SAMD3: variants seen among roughly 807,000 people sequenced by gnomAD.
The protein encoded by SAMD3 is sterile alpha motif domain containing 3, also known as sterile alpha motif domain-containing protein 3.
A neutral mutation model predicts 58.5 loss-of-function variants in SAMD3; 63 were observed. The observed-to-expected ratio is 1.08, with a 90% CI of 0.88 to 1.33. The LOEUF (loss-of-function observed/expected upper bound fraction) is 1.33. Ranked by LOEUF, SAMD3 falls within the 40% of genes most tolerant of loss-of-function variation. The probability of loss-of-function intolerance (pLI) is 0.00; values close to 1 mark genes in which losing one functional copy is unlikely to be tolerated. For synonymous variants in SAMD3, 220 were observed against 210.3 expected (o/e 1.05, Z -0.40); for missense variants, 604 against 608.4 (o/e 0.99, Z 0.08).
intron 5 of SAMD3, among the ~76,000 whole-genome samples, chr6:130,200,099 A>G (rs773370965): frequency 6.6e-6 from 1 of 152,098 alleles, no homozygotes; most frequent in Non-Finnish European, 1.5e-5. Flanking sequence ...ATCAAAAACA[A>G]AGCAGAAAAA....
upstream of SAMD3, chr6:130,365,476 G>A (rs1433824356): frequency 1.2e-5 from 12 of 985,546 alleles, no homozygotes; most frequent in Non-Finnish European, 1.4e-5. Flanking sequence ...CCGCCAGGGG[G>A]ACCCCGGCCC....
chr6:130,183,351 G>GAAAA, intron 7 of SAMD3: 2 of 370,812 alleles, frequency 5.4e-6, no homozygotes, highest in Admixed American at 3.2e-5. Flanking sequence ...AAAAAAAAAG[G>GAAAA]AAAAAAAAAA....
chr6:130,249,312 G>T (rs1241417602), intron 2 of SAMD3, among the ~76,000 whole-genome samples: 1 of 152,046 alleles, frequency 6.6e-6, no homozygotes, highest in African/African-American at 2.4e-5. Context: ...AGTAAAAATG[G>T]CTTTCTGTTA....
chr6:130,346,459 G>A (rs1777455985), intron 1 of SAMD3, among the ~76,000 whole-genome samples: 1 of 152,230 alleles, frequency 6.6e-6, no homozygotes, highest in South Asian at 2.1e-4. Context: ...TATGCCCACG[G>A]AGCCTCGCTC....
At chr6:130,268,789 T>A (rs1322172234) in intron 2 of SAMD3, among the ~76,000 whole-genome samples, 1 of 152,168 alleles carries the variant, frequency 6.6e-6, no homozygotes, top group Non-Finnish European at 1.5e-5. Flanking sequence ...GTTCACACAA[T>A]GACAAAACCA....
chr6:130,208,156 G>A (rs983429909), intron 5 of SAMD3, among the ~76,000 whole-genome samples: 4 of 152,256 alleles, frequency 2.6e-5, no homozygotes, highest in Non-Finnish European at 5.9e-5. Flanking sequence ...GGCAAAATGA[G>A]CTGATAGTGT....
At chr6:130,158,545 T>G in intron 8 of SAMD3, among the ~76,000 whole-genome samples, 1 of 152,232 alleles carries the variant, frequency 6.6e-6, no homozygotes, top group East Asian at 1.9e-4. Context: ...TTAAAAAAAT[T>G]TAAAGAAAAT....
intron 2 of SAMD3, among the ~76,000 whole-genome samples, chr6:130,241,280 G>A (rs917605999): frequency 2.5e-4 from 36 of 146,760 alleles, no homozygotes; most frequent in African/African-American, 8.6e-4. Flanking sequence ...GCGCAGTCTC[G>A]GCTCACTTCA....
intron 1 of SAMD3, among the ~76,000 whole-genome samples, chr6:130,352,221 A>G (rs458368): frequency 6.6e-6 from 1 of 152,276 alleles, no homozygotes; most frequent in East Asian, 1.9e-4. Context: ...AATAATAAAT[A>G]ACATAAATTA....
intron 1 of SAMD3, among the ~76,000 whole-genome samples, chr6:130,358,726 T>TACACACAC (rs3029958): frequency 1.5e-4 from 22 of 144,698 alleles, no homozygotes; most frequent in East Asian, 8.1e-4. Context: ...CACTATGTCT[T>TACACACAC]ACACACACAC....
intron 2 of SAMD3, among the ~76,000 whole-genome samples, chr6:130,310,580 G>A (rs528098096): frequency 1.3e-5 from 2 of 152,270 alleles, no homozygotes; most frequent in South Asian, 2.1e-4. Context: ...CAATTTCCTT[G>A]AATGTTATAG....
chr6:130,146,690 T>C (rs1788656479), intron 9 of SAMD3, among the ~76,000 whole-genome samples: 1 of 152,092 alleles, frequency 6.6e-6, no homozygotes, highest in Non-Finnish European at 1.5e-5. Flanking sequence ...AAAAACGATA[T>C]ATGGCTGGGC....
chr6:130,209,461 T>C (rs755597944), intron 5 of SAMD3, 34 bp downstream of exon 5: 17 of 1,097,094 alleles, frequency 1.5e-5, no homozygotes, highest in Non-Finnish European at 2.4e-5. Context: ...GAATGTTATT[T>C]GGCTTTAAAC....
intron 2 of SAMD3, among the ~76,000 whole-genome samples, chr6:130,261,036 T>C (rs1303141147): frequency 1.3e-5 from 2 of 152,116 alleles, no homozygotes; most frequent in Non-Finnish European, 2.9e-5. Context: ...CCCACTCCAT[T>C]TGAGTGGAAG....
chr6:130,318,251 T>G (rs1776454153), intron 1 of SAMD3, among the ~76,000 whole-genome samples: 1 of 152,130 alleles, frequency 6.6e-6, no homozygotes, highest in African/African-American at 2.4e-5. Flanking sequence ...AGGCCTGGAC[T>G]ATCACTGCTC....
chr6:130,283,699 T>C (rs1775063871), intron 2 of SAMD3, among the ~76,000 whole-genome samples: 1 of 152,114 alleles, frequency 6.6e-6, no homozygotes. Flanking sequence ...TTGACAAAAT[T>C]AAGAGTATTT....
intron 7 of SAMD3, among the ~76,000 whole-genome samples, chr6:130,179,948 G>T (rs1177561089): frequency 6.6e-6 from 1 of 151,468 alleles, no homozygotes; most frequent in Non-Finnish European, 1.5e-5. Flanking sequence ...CCGTGTAGCT[G>T]GGAATACAGT....
At chr6:130,197,458 T>C (rs1794242202) in intron 5 of SAMD3, among the ~76,000 whole-genome samples, 1 of 152,236 alleles carries the variant, frequency 6.6e-6, no homozygotes, top group Admixed American at 6.5e-5. Context: ...TGAATCTCCT[T>C]AGGCACTCTC....
chr6:130,351,709 C>T (rs1424932501), intron 1 of SAMD3, among the ~76,000 whole-genome samples: 7 of 152,204 alleles, frequency 4.6e-5, no homozygotes, highest in Admixed American at 3.9e-4. Flanking sequence ...CATCCCATTA[C>T]TGGGTATATA....
Sources: gnomAD v4.1 joint callset for allele counts (sites outside exome capture counted in the v4.1 genomes callset) on GRCh38, gnomAD v4.1.1 for gene constraint, MANE v1.5 for transcripts, NCBI Gene and HGNC (gene_info 2026-07-23, HGNC 2026-07-21) for gene names.